The following GNAQ variants were observed in gnomAD, a reference collection of about 807,000 sequenced individuals.
GNAQ encodes the protein G protein subunit alpha q, also known as guanine nucleotide-binding protein G(q) subunit alpha.
In GNAQ, 8 loss-of-function variants were observed where a neutral mutation model predicts 43.9. The ratio of observed to expected loss-of-function variants is 0.18; its 90% CI spans 0.11 to 0.33. GNAQ has a LOEUF of 0.33. Ranked by LOEUF, GNAQ falls within the 10% of genes least tolerant of loss-of-function variation. The pLI, the probability that GNAQ is intolerant of heterozygous loss-of-function variation, is 1.00. For synonymous variants in GNAQ, 155 were observed against 170.7 expected (o/e 0.91, Z 0.71); for missense variants, 158 against 450.8 (o/e 0.35, Z 5.88).
chr9:77,736,964 C>T (rs1322433427), intron 5 of GNAQ, among the ~76,000 whole-genome samples: 2 of 152,192 alleles, frequency 1.3e-5, no homozygotes, highest in Non-Finnish European at 2.9e-5. Context: ...CCATACTTTA[C>T]GCTTATTTTT....
At chr9:77,913,786 AGGTTAT>A (rs1457597196) in intron 2 of GNAQ, among the ~76,000 whole-genome samples, 1 of 152,046 alleles carries the variant, frequency 6.6e-6, no homozygotes, top group Non-Finnish European at 1.5e-5. Context: ...GAATCTTCTG[AGGTTAT>A]GGTTATATTG....
intron 1 of GNAQ, among the ~76,000 whole-genome samples, chr9:77,972,547 T>C (rs1823249358): frequency 6.6e-6 from 1 of 152,140 alleles, no homozygotes; most frequent in African/African-American, 2.4e-5. Flanking sequence ...TAAGTACTAG[T>C]TACAAGATAC....
At chr9:77,988,592 A>G (rs1035048214) in intron 1 of GNAQ, among the ~76,000 whole-genome samples, 2 of 152,214 alleles carry the variant, frequency 1.3e-5, no homozygotes, top group Non-Finnish European at 2.9e-5. Flanking sequence ...AGCATGGTAC[A>G]TATTAGGTTT....
At chr9:77,861,217 T>G (rs1411227532) in intron 2 of GNAQ, among the ~76,000 whole-genome samples, 3 of 152,290 alleles carry the variant, frequency 2.0e-5, no homozygotes, top group African/African-American at 7.2e-5. Context: ...CTCATGAGTC[T>G]TATTCACTAT....
chr9:77,939,539 A>G (rs981293376), intron 1 of GNAQ, among the ~76,000 whole-genome samples: 1 of 152,214 alleles, frequency 6.6e-6, no homozygotes, highest in African/African-American at 2.4e-5. Context: ...ATAATTCTAA[A>G]ATACTAAATA....
intron 1 of GNAQ, among the ~76,000 whole-genome samples, chr9:77,971,228 G>A (rs931759461): frequency 6.6e-6 from 1 of 152,120 alleles, no homozygotes; most frequent in African/African-American, 2.4e-5. Flanking sequence ...CATTCCTTCC[G>A]AAACTATTTC....
intron 1 of GNAQ, among the ~76,000 whole-genome samples, chr9:77,989,815 T>G (rs770363532): frequency 6.6e-5 from 10 of 152,244 alleles, no homozygotes; most frequent in Non-Finnish European, 8.8e-5. Flanking sequence ...ATTATTAATT[T>G]TATTTTAATC....
chr9:77,767,874 C>G (rs948709369), intron 5 of GNAQ, among the ~76,000 whole-genome samples: 1 of 152,190 alleles, frequency 6.6e-6, no homozygotes, highest in South Asian at 2.1e-4. Flanking sequence ...CCCTAATATA[C>G]TCTCCAAATA....
At chr9:77,835,676 G>A (rs1329505785) in intron 2 of GNAQ, among the ~76,000 whole-genome samples, 2 of 152,200 alleles carry the variant, frequency 1.3e-5, no homozygotes, top group African/African-American at 2.4e-5. Context: ...TTTAAGGTAG[G>A]TAATACTATT....
At chr9:77,930,472 A>G (rs1829133059) in intron 1 of GNAQ, among the ~76,000 whole-genome samples, 1 of 152,204 alleles carries the variant, frequency 6.6e-6, no homozygotes, top group African/African-American at 2.4e-5. Context: ...GACAAAACTG[A>G]TGCATAAATT....
At chr9:77,831,132 C>G (rs1193365369) in intron 2 of GNAQ, among the ~76,000 whole-genome samples, 1 of 152,156 alleles carries the variant, frequency 6.6e-6, no homozygotes, top group African/African-American at 2.4e-5. Context: ...ATGTGGTTTT[C>G]TTTTATTTAT....
chr9:77,854,518 C>G (rs1478613589), intron 2 of GNAQ, among the ~76,000 whole-genome samples: 1 of 152,192 alleles, frequency 6.6e-6, no homozygotes, highest in Non-Finnish European at 1.5e-5. Flanking sequence ...CAGGTTTGGT[C>G]TGTTCATGCT....
At chr9:77,830,219 C>T (rs1827275289) in intron 2 of GNAQ, among the ~76,000 whole-genome samples, 1 of 152,152 alleles carries the variant, frequency 6.6e-6, no homozygotes, top group African/African-American at 2.4e-5. Flanking sequence ...TCTCAAAGTG[C>T]TGGGATTACA....
At chr9:77,834,770 C>A (rs1248662711) in intron 2 of GNAQ, among the ~76,000 whole-genome samples, 2 of 152,174 alleles carry the variant, frequency 1.3e-5, no homozygotes, top group African/African-American at 4.8e-5. Context: ...GTGTACATGG[C>A]AGTAAGAACA....
chr9:77,851,572 T>C (rs944458669), intron 2 of GNAQ, among the ~76,000 whole-genome samples: 2 of 152,196 alleles, frequency 1.3e-5, no homozygotes, highest in African/African-American at 4.8e-5. Context: ...CTAAATGTTT[T>C]GCTTTTGTTT....
At chr9:77,817,997 C>T (rs1827048071) in intron 2 of GNAQ, among the ~76,000 whole-genome samples, 1 of 149,920 alleles carries the variant, frequency 6.7e-6, no homozygotes, top group East Asian at 1.9e-4. Context: ...CTTTTGACTG[C>T]AAAAAACAAA....
intron 5 of GNAQ, among the ~76,000 whole-genome samples, chr9:77,784,947 T>TACAC (rs1826453837): frequency 1.3e-5 from 2 of 152,334 alleles, no homozygotes; most frequent in South Asian, 4.1e-4. Context: ...CTACGCTGTC[T>TACAC]AAGGTATGGA....
intron 2 of GNAQ, among the ~76,000 whole-genome samples, chr9:77,822,778 C>G (rs1323939523): frequency 6.6e-6 from 1 of 152,144 alleles, no homozygotes; most frequent in East Asian, 1.9e-4. Flanking sequence ...AAAAGGCTCA[C>G]TTTCCTAGAA....
Position 78,031,622 on chromosome 9 carries a change from C to T in GNAQ, c.-387G>A, listed in dbSNP as rs72466453. Among the ~76,000 whole-genome samples the T allele has an allele frequency of 0.055, 8,182 of 147,950 alleles. 270 individuals are homozygous for T. Among genetic ancestry groups the T allele is most frequent in the Non-Finnish European group, 0.056 (3,738 of 66,302 alleles). On this transcript the variant is annotated 5_prime_UTR_variant, in exon 1 of 7. Coordinates refer to ENST00000286548, the MANE Select transcript of GNAQ (RefSeq NM_002072.5). The stretch of plus-strand genomic sequence containing the variant: ...CGCCGCCGCCGCCTGCGAGGCTCCC[C>T]TACGCCGTGCGCCTGGCGGCGAGAG...
Sources: allele counts gnomAD v4.1 joint callset (sites outside exome capture counted in the v4.1 genomes callset), GRCh38; gene constraint gnomAD v4.1.1; transcripts MANE v1.5; gene names NCBI Gene and HGNC (gene_info 2026-07-23, HGNC 2026-07-21).